The following NCAM2 variants were observed in gnomAD, a reference collection of about 807,000 sequenced individuals.
NCAM2 encodes the protein N-CAM-2.
Under a neutral mutation model 98.1 loss-of-function variants are expected in NCAM2, and 30 were observed. The observed-to-expected ratio is 0.31, with a 90% CI of 0.23 to 0.41. The LOEUF (loss-of-function observed/expected upper bound fraction) is 0.41, where lower values mean the gene tolerates loss of function less well. Among genes scored for constraint, NCAM2 ranks in the 10% least tolerant of loss-of-function variants. The pLI, the probability that NCAM2 is intolerant of heterozygous loss-of-function variation, is 1.00. For missense variants in NCAM2, 867 were observed against 1,005.8 expected, an observed-to-expected ratio of 0.86 and a Z score of 1.87; for synonymous variants, 368 against 342.4, an observed-to-expected ratio of 1.07 and a Z score of -0.83.
At chr21:21,144,934 G>T (rs1481129874) in intron 1 of NCAM2, among the ~76,000 whole-genome samples, 1 of 152,026 alleles carries the variant, frequency 6.6e-6, no homozygotes, top group Admixed American at 6.6e-5. Context: ...TCGCCGTGTT[G>T]TGAAAAGCAA....
chr21:21,356,655 T>C (rs2075487665), intron 8 of NCAM2, among the ~76,000 whole-genome samples: 1 of 152,190 alleles, frequency 6.6e-6, no homozygotes, highest in South Asian at 2.1e-4. Flanking sequence ...AAGACTTTTA[T>C]ATTGGCATGT....
At chr21:21,000,569 A>G (rs908856913) in intron 1 of NCAM2, among the ~76,000 whole-genome samples, 7 of 152,208 alleles carry the variant, frequency 4.6e-5, no homozygotes, top group African/African-American at 1.4e-4. Flanking sequence ...GTGGTTATGA[A>G]GAGGCACTCT....
intron 12 of NCAM2, among the ~76,000 whole-genome samples, chr21:21,455,392 G>A (rs1328378428): frequency 6.6e-6 from 1 of 151,670 alleles, no homozygotes; most frequent in Non-Finnish European, 1.5e-5. Context: ...GCTCTAAAAT[G>A]CAAGGTTCAA....
chr21:21,258,629 C>T lies in NCAM2; in HGVS notation c.56-21949C>T, dbSNP rs567146317. Among the ~76,000 whole-genome samples, 36 of 152,236 alleles carry T rather than the reference C, an allele frequency of 2.4e-4. No homozygotes were observed. In the South Asian group the frequency reaches 7.5e-3, roughly 32 times the overall value. ...ATAGGAACTTGCTGGGGTCAGAGAA[C>T]CAGGTGGCTGGCTTGCAGCTGAGCC... On this transcript the variant is annotated intron_variant, in intron 1 of 17. Coordinates refer to ENST00000400546, the MANE Select transcript of NCAM2 (RefSeq NM_004540.5).
chr21:21,188,047 C>G (rs2068698983), intron 1 of NCAM2, among the ~76,000 whole-genome samples: 1 of 152,104 alleles, frequency 6.6e-6, no homozygotes, highest in African/African-American at 2.4e-5. Context: ...TTTACAGGGT[C>G]AAAATGAAGT....
chr21:21,349,007 C>T (rs2075264708), intron 8 of NCAM2, among the ~76,000 whole-genome samples: 1 of 152,100 alleles, frequency 6.6e-6, no homozygotes, highest in Admixed American at 6.6e-5. Context: ...TGGGGAAAAT[C>T]TCCAGGACAT....
chr21:21,108,876 A>G (rs2066400529), intron 1 of NCAM2, among the ~76,000 whole-genome samples: 1 of 152,122 alleles, frequency 6.6e-6, no homozygotes, highest in Non-Finnish European at 1.5e-5. Flanking sequence ...CATACATCTA[A>G]AAACTTATAG....
chr21:21,225,051 A>G (rs2070325086), intron 1 of NCAM2, among the ~76,000 whole-genome samples: 2 of 152,152 alleles, frequency 1.3e-5, no homozygotes, highest in South Asian at 2.1e-4. Flanking sequence ...AACATGGTAC[A>G]TATACACCAT....
chr21:21,388,162 A>G (rs1260276806), intron 9 of NCAM2, among the ~76,000 whole-genome samples: 3 of 152,224 alleles, frequency 2.0e-5, no homozygotes, highest in South Asian at 2.1e-4. Flanking sequence ...CAAGCCCGAC[A>G]ACAAAGACAT....
At chr21:21,102,176 C>T (rs1349522541) in intron 1 of NCAM2, among the ~76,000 whole-genome samples, 5 of 151,978 alleles carry the variant, frequency 3.3e-5, no homozygotes, top group Non-Finnish European at 7.4e-5. Context: ...AAACATGACT[C>T]TTCAGGATTG....
chr21:21,063,210 C>CTTTTTTTTTTTTTTT (rs11325446), intron 1 of NCAM2, among the ~76,000 whole-genome samples: 1 of 66,052 alleles, frequency 1.5e-5, no homozygotes, highest in African/African-American at 6.5e-5. Flanking sequence ...TCTTTACATT[C>CTTTTTTTTTTTTTTT]TTTTTTTTTT....
chr21:21,338,683 G>A (rs1859626876), intron 8 of NCAM2, 149 bp downstream of exon 8: 1 of 811,214 alleles, frequency 1.2e-6, no homozygotes. Context: ...CTAACACAAT[G>A]TCGGCTTTAC....
intron 1 of NCAM2, among the ~76,000 whole-genome samples, chr21:21,009,620 AG>A (rs1481131739): frequency 6.6e-6 from 1 of 152,040 alleles, no homozygotes; most frequent in African/African-American, 2.4e-5. Context: ...TAACTAGATT[AG>A]ATATGGTCAA....
chr21:21,124,225 G>A (rs1202723537), intron 1 of NCAM2, among the ~76,000 whole-genome samples: 1 of 152,066 alleles, frequency 6.6e-6, no homozygotes, highest in African/African-American at 2.4e-5. Context: ...CAACATGGTG[G>A]CAGACAAGGT....
chr21:21,513,530 G>A (rs1988522501), intron 16 of NCAM2, among the ~76,000 whole-genome samples: 1 of 151,410 alleles, frequency 6.6e-6, no homozygotes, highest in African/African-American at 2.4e-5. Flanking sequence ...TTGACTTTTA[G>A]TTTATTGTTT....
intron 5 of NCAM2, among the ~76,000 whole-genome samples, chr21:21,295,145 C>T (rs1366977041): frequency 6.6e-6 from 1 of 151,756 alleles, no homozygotes; most frequent in Non-Finnish European, 1.5e-5. Flanking sequence ...TCACATGCAG[C>T]GCTTCCTTGT....
At chr21:21,011,960 G>A (rs868584489) in intron 1 of NCAM2, among the ~76,000 whole-genome samples, 1 of 152,042 alleles carries the variant, frequency 6.6e-6, no homozygotes, top group African/African-American at 2.4e-5. Context: ...TAGATTGTCT[G>A]TTATAAAAAA....
At chr21:21,156,578 T>TA (rs2067618337) in intron 1 of NCAM2, among the ~76,000 whole-genome samples, 4 of 108,624 alleles carry the variant, frequency 3.7e-5, no homozygotes, top group African/African-American at 6.8e-5. Flanking sequence ...AATAGATAGA[T>TA]TATAGATAGA....
intron 15 of NCAM2, among the ~76,000 whole-genome samples, chr21:21,488,171 A>T (rs1330904363): frequency 6.6e-6 from 1 of 152,130 alleles, no homozygotes; most frequent in East Asian, 1.9e-4. Flanking sequence ...AATAAATTTG[A>T]CTTTTTAAAT....
Sources: allele counts gnomAD v4.1 joint callset (sites outside exome capture counted in the v4.1 genomes callset), GRCh38; gene constraint gnomAD v4.1.1; transcripts MANE v1.5; gene names NCBI Gene and HGNC (gene_info 2026-07-23, HGNC 2026-07-21).